The following RAD51B variants were observed in gnomAD, a reference collection of about 807,000 sequenced individuals.
RAD51B encodes DNA repair protein RAD51 homolog 2.
Under a neutral mutation model 42.2 loss-of-function variants are expected in RAD51B, and 38 were observed. The ratio of observed to expected loss-of-function variants is 0.90; its 90% CI spans 0.70 to 1.18. The LOEUF is 1.18. Ranked by LOEUF, RAD51B falls within the 50% of genes most tolerant of loss-of-function variation. The pLI, the probability that RAD51B is intolerant of heterozygous loss-of-function variation, is 0.00. For synonymous variants in RAD51B, 154 were observed against 145.2 expected (o/e 1.06, Z -0.43); for missense variants, 373 against 400.7 (o/e 0.93, Z 0.59).
intron 10 of RAD51B, among the ~76,000 whole-genome samples, chr14:68,542,010 A>G (rs908737729): frequency 2.0e-5 from 3 of 152,198 alleles, no homozygotes; most frequent in Non-Finnish European, 2.9e-5. Flanking sequence ...TATTATACAC[A>G]TGTATTACTT....
At chr14:68,477,559 A>T (rs2140253829) in intron 10 of RAD51B, 89 bp from the exon 11 acceptor site, 1 of 1,436,278 alleles carries the variant, frequency 7.0e-7, no homozygotes, top group Non-Finnish European at 9.5e-7. Flanking sequence ...GTTGGAGGAA[A>T]GTTCCATTTA....
At chr14:68,569,232 T>G (rs1031798482) in intron 10 of RAD51B, among the ~76,000 whole-genome samples, 1 of 152,222 alleles carries the variant, frequency 6.6e-6, no homozygotes, top group African/African-American at 2.4e-5. Flanking sequence ...CTGACCTCTG[T>G]CACCCAAATT....
chr14:68,637,056 G>A (rs1892355223), intron 10 of RAD51B, among the ~76,000 whole-genome samples: 1 of 152,164 alleles, frequency 6.6e-6, no homozygotes, highest in African/African-American at 2.4e-5. Flanking sequence ...CTTCCCCAGT[G>A]CCTAGAAAGA....
At chr14:68,551,931 G>A (rs992582019) in intron 10 of RAD51B, among the ~76,000 whole-genome samples, 2 of 152,136 alleles carry the variant, frequency 1.3e-5, no homozygotes, top group Non-Finnish European at 2.9e-5. Context: ...AAGTCATAAG[G>A]GTGCTGTTCT....
intron 7 of RAD51B, among the ~76,000 whole-genome samples, chr14:68,216,969 AC>A (rs1437842733): frequency 6.6e-6 from 1 of 152,102 alleles, no homozygotes; most frequent in Non-Finnish European, 1.5e-5. Flanking sequence ...CTTGTAGGAA[AC>A]CTTTTACCTC....
rs116510232 is a variant in RAD51B at position 67,944,306 on chromosome 14, T to A, written c.756+57102T>A. Reference sequence around the variant, plus strand: ...AGCTTTGTCACTTGGAAAGTATTAGTTGTTTTAAGCCACAAATATATAAGG... The same window carrying A: ...AGCTTTGTCACTTGGAAAGTATTAGATGTTTTAAGCCACAAATATATAAGG... On this transcript the variant is annotated intron_variant, in intron 7 of 10. Transcript: ENST00000471583. Among the ~76,000 whole-genome samples, 290 of 152,032 alleles carry A rather than the reference T, an allele frequency of 1.9e-3. 1 individual carries two copies. Among genetic ancestry groups the A allele is most frequent in the African/African-American group, 6.3e-3 (260 of 41,474 alleles).
chr14:68,488,199 C>CTTTTT lies in RAD51B; in HGVS notation c.1036+19967_1036+19971dup, dbSNP rs201866707. 4.1e-3 allele frequency among the ~76,000 whole-genome samples: 445 copies of CTTTTT among 108,296 alleles called. 7 individuals are homozygous for CTTTTT. Among genetic ancestry groups the CTTTTT allele is most frequent in the African/African-American group, 0.016 (429 of 27,388 alleles). The allele number at this position is 108,296 out of a possible 152,430, so 71.0% of individuals were successfully genotyped here. ...TACGTTCTGTTTCTTTAGGGTTTGT[C>CTTTTT]TTTTTTTTTTTTTTTTTTTTTTCAA... On this transcript the variant is annotated intron_variant, in intron 10 of 10. Coordinates refer to the RAD51B transcript ENST00000487270.
At chr14:68,361,850 A>AT (rs560711054) in intron 8 of RAD51B, among the ~76,000 whole-genome samples, 261 of 152,064 alleles carry the variant, frequency 1.7e-3, no homozygotes, top group Non-Finnish European at 3.0e-3. Context: ...TAATTTTTGT[A>AT]TTTTTAGTAG....
chr14:67,964,793 G>C (rs1457774992), intron 7 of RAD51B, among the ~76,000 whole-genome samples: 1 of 152,088 alleles, frequency 6.6e-6, no homozygotes, highest in Non-Finnish European at 1.5e-5. Context: ...GACATACGAC[G>C]GTCTACCGCA....
intron 7 of RAD51B, among the ~76,000 whole-genome samples, chr14:68,087,937 A>G (rs918050069): frequency 1.2e-5 from 1 of 83,626 alleles, no homozygotes; most frequent in Admixed American, 1.4e-4. Flanking sequence ...TAATTATATA[A>G]TTTATTATTA....
chr14:68,610,396 C>T (rs545899109), intron 10 of RAD51B, among the ~76,000 whole-genome samples: 4 of 152,326 alleles, frequency 2.6e-5, no homozygotes, highest in East Asian at 1.9e-4. Context: ...CCTCGCTTCC[C>T]GTGGTCTCCC....
At chr14:68,346,288 T>C (rs2082675869) in intron 8 of RAD51B, among the ~76,000 whole-genome samples, 1 of 152,228 alleles carries the variant, frequency 6.6e-6, no homozygotes, top group Non-Finnish European at 1.5e-5. Flanking sequence ...TGATATGATT[T>C]CCTAGCCTAG....
At chr14:68,554,438 T>C (rs1450633390) in intron 10 of RAD51B, among the ~76,000 whole-genome samples, 1 of 152,132 alleles carries the variant, frequency 6.6e-6, no homozygotes, top group African/African-American at 2.4e-5. Context: ...GAGGTTTCCC[T>C]TGGTGAGTGG....
chr14:67,826,686 CTTT>C (rs34773405), intron 3 of RAD51B, among the ~76,000 whole-genome samples: 2 of 142,432 alleles, frequency 1.4e-5, no homozygotes, highest in Non-Finnish European at 1.5e-5. Flanking sequence ...TATTTTCTTT[CTTT>C]TTTTTTTTTT....
intron 9 of RAD51B, among the ~76,000 whole-genome samples, chr14:68,432,178 G>A (rs1487755176): frequency 6.6e-6 from 1 of 152,198 alleles, no homozygotes; most frequent in Non-Finnish European, 1.5e-5. Context: ...CAACTATGTG[G>A]TCAATTTTGG....
At chr14:68,403,252 A>C (rs1310795560) in intron 8 of RAD51B, among the ~76,000 whole-genome samples, 1 of 152,118 alleles carries the variant, frequency 6.6e-6, no homozygotes, top group Non-Finnish European at 1.5e-5. Flanking sequence ...CCAGTCCGCT[A>C]AGGCCATGAA....
intron 10 of RAD51B, among the ~76,000 whole-genome samples, chr14:68,484,604 G>T (rs546280504): frequency 6.6e-6 from 1 of 152,010 alleles, no homozygotes; most frequent in Non-Finnish European, 1.5e-5. Context: ...TGATCCACCC[G>T]CCTCGGCCTC....
intron 7 of RAD51B, among the ~76,000 whole-genome samples, chr14:68,235,856 T>C (rs924843589): frequency 2.6e-5 from 4 of 151,978 alleles, no homozygotes; most frequent in Non-Finnish European, 4.4e-5. Context: ...ATATATACAC[T>C]GTAGAATACT....
At chr14:68,350,789 G>C (rs1159788970) in intron 8 of RAD51B, among the ~76,000 whole-genome samples, 1 of 152,194 alleles carries the variant, frequency 6.6e-6, no homozygotes, top group African/African-American at 2.4e-5. Flanking sequence ...TTTGCCTTCA[G>C]TTTGGCTTAA....
Sources: allele counts gnomAD v4.1 joint callset (sites outside exome capture counted in the v4.1 genomes callset), GRCh38; gene constraint gnomAD v4.1.1; transcripts MANE v1.5; gene names NCBI Gene and HGNC (gene_info 2026-07-23, HGNC 2026-07-21).